Variants in ZNF208 observed in about 807,000 individuals in gnomAD.
ZNF208 encodes the protein zinc finger protein 95.
In ZNF208, 10 loss-of-function variants were observed where a neutral mutation model predicts 12.1. That is an observed-to-expected ratio of 0.83 (90% CI 0.51 to 1.40). The LOEUF (loss-of-function observed/expected upper bound fraction) is 1.40. Ranked by LOEUF, ZNF208 falls within the 40% of genes most tolerant of loss-of-function variation. The probability of loss-of-function intolerance (pLI) is 0.00; values close to 1 mark genes in which losing one functional copy is unlikely to be tolerated. For synonymous variants in ZNF208, 497 were observed against 488.4 expected (o/e 1.02, Z -0.23); for missense variants, 1,652 against 1,485.0 (o/e 1.11, Z -1.85).
Position 21,969,312 on chromosome 19 carries a change from A to G in ZNF208, c.*1879T>C, listed in dbSNP as rs998846143. ...AAATCTGTGTTTTGAAGAAAAAAGT[A>G]TACTTTAAATTTAATTATAACTCTT... On this transcript the variant is annotated 3_prime_UTR_variant, in exon 4 of 4. Coordinates refer to ENST00000397126, the MANE Select transcript of ZNF208 (RefSeq NM_007153.3). Among the ~76,000 whole-genome samples, 18 of 152,162 alleles carry G rather than the reference A, an allele frequency of 1.2e-4. No individual in the cohort carries two copies. The highest frequency in any genetic ancestry group is 4.3e-4 in the African/African-American group (18 of 41,530).
In ZNF208 at chr19:21,971,502, A is replaced by G. The variant is rs1599612914; in HGVS notation, c.3532T>C (p.Phe1178Leu). ...PYKCEECGKG[F>L]VMFSILAKHK... The stretch of plus-strand genomic sequence containing the variant: ...TTTGCAAGGATTGAGAACATAACAA[A>G]GCCTTTGCCACATTCTTCACATTTG... Residue 1178 changes from phenylalanine to leucine, a missense_variant, in exon 4 of 4, where the codon TTT (phenylalanine) becomes CTT (leucine). Phe to Leu is a conservative substitution (Grantham distance 22). Around this residue, in one of 3 missense-constraint regions of ZNF208, gnomAD observed 1,239 missense variants for 1,086.2 expected, o/e 1.14. Transcript: ENST00000397126. The G allele has an allele frequency of 6.2e-7, 1 of 1,611,334 alleles. No homozygotes were observed. Among genetic ancestry groups the G allele is most frequent in the East Asian group, 2.2e-5 (1 of 44,814 alleles).
intron 4 of ZNF208, among the ~76,000 whole-genome samples, chr19:21,953,755 G>A (rs996757078): frequency 1.3e-5 from 2 of 151,274 alleles, no homozygotes; most frequent in African/African-American, 4.8e-5. Context: ...TCAATTATCA[G>A]GCAATTTTGT....
rs1286423616 is a variant in ZNF208, at chr19:21,955,160, C to T, written c.305+19569G>A. On this transcript the variant is annotated intron_variant, in intron 4 of 4. Coordinates refer to the ZNF208 transcript ENST00000599916. ...TCTTTAAGAATGTTGAATATTGGCC[C>T]CCATTCTCTTCTGGCTTGTAGTTTC... 6.6e-5 allele frequency among the ~76,000 whole-genome samples: 10 copies of T among 152,246 alleles called. No homozygotes were observed. In the East Asian group the frequency reaches 1.9e-3, roughly 29 times the overall value.
rs563190721 is a variant in ZNF208 at position 21,955,469 on chromosome 19, C to G, written c.305+19260G>C. On this transcript the variant is annotated intron_variant, in intron 4 of 4. Transcript: ENST00000599916. ...CCCTGTCACTTTCAGGTACACCAATCAGACGTAGATTTGGTCTTTTCACAT... is the reference window on the plus strand; with the variant it reads ...CCCTGTCACTTTCAGGTACACCAATGAGACGTAGATTTGGTCTTTTCACAT... Among the ~76,000 whole-genome samples, 4 of 152,324 alleles carry G rather than the reference C, an allele frequency of 2.6e-5. No individual in the cohort carries two copies. The East Asian group carries it at 7.7e-4, about 29-fold the overall frequency.
rs1970283260 is a variant in ZNF208, at chr19:21,971,514, A to G, written c.3520T>C (p.Cys1174Arg). The change falls in exon 4 of 4, where the codon TGT (cysteine) becomes CGT (arginine). Residue 1174 changes from cysteine (C) to arginine (R), a missense_variant. Physicochemically the swap from Cys to Arg is radical, Grantham distance 180. Around this residue, in one of 3 missense-constraint regions of ZNF208, gnomAD observed 1,239 missense variants for 1,086.2 expected, o/e 1.14. Transcript: ENST00000397126. ...GAGAACATAACAAAGCCTTTGCCAC[A>G]TTCTTCACATTTGTAGGGTTTCTCT... ...TVEKPYKCEE[C>R]GKGFVMFSIL... The G allele has an allele frequency of 6.2e-7, 1 of 1,611,038 alleles. No homozygotes were observed. The highest frequency in any genetic ancestry group is 8.5e-7 in the Non-Finnish European group (1 of 1,179,836).
intron 1 of ZNF208, chr19:21,998,847 T>A (rs1386687545): frequency 1.3e-5 from 2 of 152,218 alleles, no homozygotes; most frequent in Admixed American, 1.3e-4. Flanking sequence ...AGCACTTTTT[T>A]ATAAAAATTG....
chr19:22,006,718 C>G (rs1232603967), intron 1 of ZNF208, among the ~76,000 whole-genome samples: 1 of 152,164 alleles, frequency 6.6e-6, no homozygotes, highest in African/African-American at 2.4e-5. Flanking sequence ...TCATTAGGCT[C>G]AAGCTTTAAT....
intron 3 of ZNF208, among the ~76,000 whole-genome samples, chr19:21,983,129 A>C (rs1375825104): frequency 1.3e-5 from 2 of 151,818 alleles, no homozygotes; most frequent in Non-Finnish European, 2.9e-5. Context: ...CAAAGGGCTA[A>C]TATCCAGGAT....
chr19:21,999,915 T>G (rs185099375), intron 1 of ZNF208, among the ~76,000 whole-genome samples: 205 of 152,336 alleles, frequency 1.3e-3, no homozygotes, highest in African/African-American at 4.8e-3. Context: ...ATATTTTGTC[T>G]TACAACAGCC....
In ZNF208 at chr19:21,973,236, T is replaced by C; in HGVS notation, c.1798A>G (p.Lys600Glu). The change falls in exon 4 of 4, where the codon AAG (lysine) becomes GAG (glutamate). Residue 600 changes from lysine (K) to glutamate (E), a missense_variant. This residue lies in a region of ZNF208 where 1,239 missense variants were observed against 1,086.2 expected (regional missense o/e 1.14). Coordinates refer to ENST00000397126, the MANE Select transcript of ZNF208 (RefSeq NM_007153.3). ...FNQSAILIKH[K>E]RIHTGEKPYK... The stretch of plus-strand genomic sequence containing the variant: ...GGTTTCTCACCAGTATGAATTCTCT[T>C]ATGTTTAATAAGAATTGCAGATTGG... 1 of 1,613,530 alleles carries C rather than the reference T, an allele frequency of 6.2e-7. No individual in the cohort carries two copies. Among genetic ancestry groups the C allele is most frequent in the Non-Finnish European group, 8.5e-7 (1 of 1,179,898 alleles).
chr19:21,958,370 T>G, intron 4 of ZNF208, among the ~76,000 whole-genome samples: 1 of 152,234 alleles, frequency 6.6e-6, no homozygotes, highest in East Asian at 1.9e-4. Context: ...AAAATCTAAA[T>G]CAATATTCTA....
At chr19:21,955,181 G>C (rs2359809) in intron 4 of ZNF208, among the ~76,000 whole-genome samples, 76,690 of 151,822 alleles carry the variant, frequency 0.51, 19,949 homozygotes, top group East Asian at 0.69. Context: ...CTGGCTTGTA[G>C]TTTCTGCTGA....
intron 4 of ZNF208, chr19:21,939,850 T>C (rs569424141): frequency 6.6e-5 from 10 of 152,356 alleles, no homozygotes; most frequent in African/African-American, 1.4e-4. Flanking sequence ...ATTGCATCCA[T>C]GGTTTCAGCC....
intron 4 of ZNF208, among the ~76,000 whole-genome samples, chr19:21,957,240 A>G (rs533919796): frequency 4.6e-5 from 7 of 152,186 alleles, no homozygotes; most frequent in South Asian, 2.1e-4. Context: ...GAGTTTCACC[A>G]TGTTGGCTAG....
In ZNF208 at chr19:21,971,866, G is replaced by T. The variant is rs1970293915; in HGVS notation, c.3168C>A (p.Pro1056=). 1.2e-6 allele frequency: 2 copies of T among 1,613,248 alleles called. No individual in the cohort carries two copies. Among genetic ancestry groups the T allele is most frequent in the South Asian group, 1.1e-5 (1 of 90,972 alleles). ...CTTTGCCACATTCTTCACATTTGTA[G>T]GGTTTTTCTCCAGCATGAGTTGCCT... The part of the protein sequence containing the change: ...EHKATHAGEK[P]YKCEECGKAF... The change falls in exon 4 of 4, where the codon CCC becomes CCA. Residue 1056 remains proline, a synonymous_variant. Transcript: ENST00000397126.
chr19:21,975,318 C>G (rs753985054), intron 3 of ZNF208, among the ~76,000 whole-genome samples: 3 of 152,164 alleles, frequency 2.0e-5, no homozygotes, highest in Non-Finnish European at 4.4e-5. Context: ...CAGTTTGAGT[C>G]TGCTGAGACC....
downstream of ZNF208, among the ~76,000 whole-genome samples, chr19:21,964,572 G>C (rs148940810): frequency 6.6e-6 from 1 of 151,690 alleles, no homozygotes; most frequent in African/African-American, 2.4e-5. Context: ...CAGACACTCC[G>C]CATTTAACCA....
chr19:22,010,397 A>C (rs118137260), intron 1 of ZNF208, among the ~76,000 whole-genome samples: 1 of 152,242 alleles, frequency 6.6e-6, no homozygotes, highest in Non-Finnish European at 1.5e-5. Context: ...GACTTCCATA[A>C]ATTTTTAATA....
In ZNF208 at chr19:21,987,276, GA is replaced by G; in HGVS notation, c.165del (p.Leu56TrpfsTer10). The part of the protein sequence containing the change: ...IAAFKPDLII[F>X]LEEGKESWNM... ...TTCCAGGACTCTTTTCCTTCCTCCA[GA>G]AAAATGATCAGGTCTGGCTTAAAGG... On this transcript the variant is annotated frameshift_variant, in exon 3 of 4. Transcript: ENST00000397126. LOFTEE classifies it high-confidence loss of function. 6.2e-7 allele frequency: 1 copy of G among 1,611,864 alleles called. No individual in the cohort carries two copies. The highest frequency in any genetic ancestry group is 8.5e-7 in the Non-Finnish European group (1 of 1,179,168).
Sources: allele counts gnomAD v4.1 joint callset (sites outside exome capture counted in the v4.1 genomes callset), GRCh38; gene constraint gnomAD v4.1.1; regional missense constraint gnomAD v4.1.1; transcripts MANE v1.5; gene names NCBI Gene and HGNC (gene_info 2026-07-23, HGNC 2026-07-21).